HTR2A: variants seen among roughly 807,000 people sequenced by gnomAD.
HTR2A encodes the protein 5-hydroxytryptamine receptor 2A.
A neutral mutation model predicts 31.0 loss-of-function variants in HTR2A; 14 were observed. That is an observed-to-expected ratio of 0.45 (90% confidence interval 0.30 to 0.71). The LOEUF (loss-of-function observed/expected upper bound fraction) is 0.71, where lower values mean the gene tolerates loss of function less well. Ranked by LOEUF, HTR2A falls within the 30% of genes least tolerant of loss-of-function variation. HTR2A has a pLI of 0.09. For missense variants in HTR2A, 442 were observed against 573.3 expected, an observed-to-expected ratio of 0.77 and a Z score of 2.34; for synonymous variants, 209 against 225.2, an observed-to-expected ratio of 0.93 and a Z score of 0.64.
chr13:46,883,913 C>T (rs146221421), intron 3 of HTR2A, among the ~76,000 whole-genome samples: 4 of 152,126 alleles, frequency 2.6e-5, no homozygotes, highest in South Asian at 2.1e-4. Context: ...TAGATGGAAT[C>T]CTTCGCAAGC....
Position 46,895,485 on chromosome 13 carries a change from T to C in HTR2A, c.412+10A>G, listed in dbSNP as rs767680355. ...AGTGCGAATATAGCTGGGAAACTAA[T>C]GCCACTCACCATACAGGATGGTTAA... On this transcript the variant is annotated intron_variant, in intron 2 of 3. Coordinates refer to ENST00000542664, the MANE Select transcript of HTR2A (RefSeq NM_000621.5). The surrounding 1 kb of genome is among the most constrained non-coding windows in gnomAD (Gnocchi z 4.4). 6 of 1,610,286 alleles carry C rather than the reference T, an allele frequency of 3.7e-6. No individual in the cohort carries two copies. The South Asian group carries it at 5.5e-5, about 15-fold the overall frequency.
At chr13:46,866,084 C>G in intron 3 of HTR2A, among the ~76,000 whole-genome samples, 1 of 152,182 alleles carries the variant, frequency 6.6e-6, no homozygotes, top group East Asian at 1.9e-4. Context: ...AGGATTAATT[C>G]GTGAGTTTCA....
At chr13:46,843,986 G>A (rs756143946) in intron 3 of HTR2A, among the ~76,000 whole-genome samples, 25 of 152,110 alleles carry the variant, frequency 1.6e-4, no homozygotes, top group Non-Finnish European at 3.4e-4. Context: ...AGGCACATCC[G>A]CTATATGAAA....
chr13:46,854,984 G>A (rs1049805413), intron 3 of HTR2A, among the ~76,000 whole-genome samples: 2 of 152,158 alleles, frequency 1.3e-5, no homozygotes, highest in Admixed American at 6.5e-5. Flanking sequence ...ACATGTGTAC[G>A]CTGAGATAAC....
At chr13:46,877,885 C>G (rs1301487194) in intron 3 of HTR2A, among the ~76,000 whole-genome samples, 1 of 151,678 alleles carries the variant, frequency 6.6e-6, no homozygotes, top group African/African-American at 2.4e-5. Context: ...GAAGGCTTTT[C>G]AAGCAGAAGA....
At chr13:46,885,521 A>T (rs909859570) in intron 3 of HTR2A, among the ~76,000 whole-genome samples, 2 of 152,240 alleles carry the variant, frequency 1.3e-5, no homozygotes, top group African/African-American at 4.8e-5. Flanking sequence ...GAGAAAAGTG[A>T]CATATCTAAA....
intron 3 of HTR2A, among the ~76,000 whole-genome samples, chr13:46,852,523 C>T (rs1203775890): frequency 6.6e-6 from 1 of 152,232 alleles, no homozygotes. Flanking sequence ...GTCAAAGGGA[C>T]AAACGATGAG....
chr13:46,880,484 G>T (rs1392882871), intron 3 of HTR2A, among the ~76,000 whole-genome samples: 1 of 152,150 alleles, frequency 6.6e-6, no homozygotes, highest in East Asian at 1.9e-4. Flanking sequence ...AGAATATTTA[G>T]CAAAAGAATA....
At position 46,835,429 on chromosome 13, in the gene HTR2A, C is replaced by T. The variant is rs533383790; in HGVS notation, c.824G>A (p.Arg275Gln). The change falls in exon 4 of 4, where the codon CGG (arginine) becomes CAG (glutamine). Residue 275 changes from arginine (R) to glutamine (Q), a missense_variant. By Grantham distance (43) the Arg-to-Gln change is conservative. This residue lies in a region of HTR2A where 174 missense variants were observed against 195.1 expected (regional missense o/e 0.89). Transcript: ENST00000542664. ...ATLCVSDLGT[R>Q]AKLASFSFLP... ...GAAGCTGAAAGAAGCTAATTTGGCCCGTGTGCCAAGATCACTTACACACAA... is the reference window on the plus strand; with the variant it reads ...GAAGCTGAAAGAAGCTAATTTGGCCTGTGTGCCAAGATCACTTACACACAA... The T allele has an allele frequency of 1.4e-5, 22 of 1,613,980 alleles. No individual in the cohort carries two copies. Among genetic ancestry groups the T allele is most frequent in the Admixed American group, 8.3e-5 (5 of 59,976 alleles).
Position 46,876,415 on chromosome 13 carries a change from T to A in HTR2A, c.613+15975A>T, listed in dbSNP as rs1267668018. Among the ~76,000 whole-genome samples, 71 of 135,334 alleles carry A rather than the reference T, an allele frequency of 5.2e-4. 1 individual carries two copies. Among genetic ancestry groups the A allele is most frequent in the African/African-American group, 1.8e-3 (67 of 37,134 alleles). 88.8% of individuals were successfully genotyped at this position (135,334 alleles called of 152,430 possible). On this transcript the variant is annotated intron_variant, in intron 3 of 3. Coordinates refer to ENST00000542664, the MANE Select transcript of HTR2A (RefSeq NM_000621.5). Reference sequence around the variant, plus strand: ...ATATATATATATATATTTTTTTTTTTTTTTTTTTTTTTGAGACAGAGTCTT... The same window carrying A: ...ATATATATATATATATTTTTTTTTTATTTTTTTTTTTTGAGACAGAGTCTT...
At chr13:46,855,515 T>TG (rs554245619) in intron 3 of HTR2A, among the ~76,000 whole-genome samples, 28 of 151,972 alleles carry the variant, frequency 1.8e-4, no homozygotes, top group Middle Eastern at 3.2e-3. Flanking sequence ...TGCTCTCAAC[T>TG]GGGGGGGTAC....
rs769223465 is a variant in HTR2A, at chr13:46,834,852, C to A, written c.1401G>T (p.Lys467Asn). The A allele has an allele frequency of 6.2e-7, 1 of 1,612,424 alleles. No individual in the cohort carries two copies. Among genetic ancestry groups the A allele is most frequent in the East Asian group, 2.2e-5 (1 of 44,866 alleles). ...AACTAGCCTATCACACACAGCTCACCTTTTCATTCACTCCGTCGCTATTGT... is the reference window on the plus strand; with the variant it reads ...AACTAGCCTATCACACACAGCTCACATTTTCATTCACTCCGTCGCTATTGT... ...SKDNSDGVNE[K>N]VSCV Residue 467 changes from lysine (K) to asparagine (N), a missense_variant, in exon 4 of 4, where the codon AAG (lysine) becomes AAT (asparagine). Physicochemically the swap from Lys to Asn is moderately conservative, Grantham distance 94. This residue lies in a region of HTR2A where 88 missense variants were observed against 83.1 expected (regional missense o/e 1.06). Coordinates refer to ENST00000542664, the MANE Select transcript of HTR2A (RefSeq NM_000621.5).
At position 46,834,670 on chromosome 13, in the gene HTR2A, G is replaced by T; in HGVS notation, c.*167C>A. 2 of 567,210 alleles carry T rather than the reference G, an allele frequency of 3.5e-6. No homozygotes were observed. Among genetic ancestry groups the T allele is most frequent in the Non-Finnish European group, 6.2e-6 (2 of 324,616 alleles). 35.1% of individuals were successfully genotyped at this position (567,210 alleles called of 1,614,324 possible). A position where few individuals can be genotyped will look rare whatever the true frequency, so the allele number is the denominator to read the frequency against. ...AGAACATTTTCCAAGCACACATTTTGTAGCATTGAACCCCGCTTTTCATTG... is the reference window on the plus strand; with the variant it reads ...AGAACATTTTCCAAGCACACATTTTTTAGCATTGAACCCCGCTTTTCATTG... On this transcript the variant is annotated 3_prime_UTR_variant, in exon 4 of 4. Transcript: ENST00000542664.
chr13:46,897,323 C>T (rs966173282), upstream of HTR2A, among the ~76,000 whole-genome samples: 2 of 152,090 alleles, frequency 1.3e-5, no homozygotes, highest in African/African-American at 4.8e-5. Flanking sequence ...ACAGTATGTC[C>T]TCGGAGTGCT....
intron 3 of HTR2A, among the ~76,000 whole-genome samples, chr13:46,843,771 G>A (rs1018517478): frequency 6.6e-6 from 1 of 152,140 alleles, no homozygotes; most frequent in Non-Finnish European, 1.5e-5. Context: ...ATGAGTAGGG[G>A]CTCCAGGATT....
intron 2 of HTR2A, among the ~76,000 whole-genome samples, chr13:46,894,327 C>T (rs1190093112): frequency 6.6e-6 from 1 of 152,204 alleles, no homozygotes; most frequent in African/African-American, 2.4e-5. Context: ...TGTCACTCCT[C>T]CTACCCCCAC....
rs74443853 is a variant in HTR2A, at chr13:46,856,471, G to A, written c.614-20832C>T. ...GAAGAGCCTTTTAAATGAATGTGAG[G>A]CTTGGCTATCCCTACACTTGGGATG... On this transcript the variant is annotated intron_variant, in intron 3 of 3. Coordinates refer to ENST00000542664, the MANE Select transcript of HTR2A (RefSeq NM_000621.5). 4.2e-3 allele frequency among the ~76,000 whole-genome samples: 633 copies of A among 152,188 alleles called. 4 individuals are homozygous for A. Among genetic ancestry groups the A allele is most frequent in the African/African-American group, 0.014 (564 of 41,522 alleles).
chr13:46,887,702 CAA>C (rs1441157874), intron 3 of HTR2A, among the ~76,000 whole-genome samples: 2 of 151,880 alleles, frequency 1.3e-5, no homozygotes, highest in African/African-American at 4.8e-5. Context: ...ATTAAGAAAA[CAA>C]GAGATGGGTC....
chr13:46,835,581 C>CAGAGT lies in HTR2A; in HGVS notation c.671_672insACTCT (p.Gly225LeufsTer14). 1 of 1,614,042 alleles carries CAGAGT rather than the reference C, an allele frequency of 6.2e-7. No individual in the cohort carries two copies. Among genetic ancestry groups the CAGAGT allele is most frequent in the Admixed American group, 1.7e-5 (1 of 59,998 alleles). On this transcript the variant is annotated frameshift_variant, in exon 4 of 4. Transcript: ENST00000542664. LOFTEE classifies it high-confidence loss of function. ...TATCATCGGCGAGTAAGCAACTCCC[C>CAGAGT]TCCTTAAAGACCTTCGAATCGTCCT... is the stretch of plus-strand genomic sequence containing the variant.
Sources: allele counts gnomAD v4.1 joint callset (sites outside exome capture counted in the v4.1 genomes callset), GRCh38; gene constraint gnomAD v4.1.1; regional missense constraint gnomAD v4.1.1; non-coding constraint Gnocchi (gnomAD v3.1); transcripts MANE v1.5; gene names NCBI Gene and HGNC (gene_info 2026-07-23, HGNC 2026-07-21).